Variants in AKT3 observed in about 807,000 individuals in gnomAD.
The protein encoded by AKT3 is RAC-gamma serine/threonine-protein kinase.
In AKT3, 15 loss-of-function variants were observed where a neutral mutation model predicts 65.3. The observed-to-expected ratio is 0.23, with a 90% CI of 0.15 to 0.35. The LOEUF (loss-of-function observed/expected upper bound fraction) is 0.35, where lower values mean the gene tolerates loss of function less well. Ranked by LOEUF, AKT3 falls within the 10% of genes least tolerant of loss-of-function variation. The pLI is 1.00. For missense variants in AKT3, 243 were observed against 576.5 expected (o/e 0.42, Z 5.92); for synonymous variants, 206 against 183.8 (o/e 1.12, Z -0.98).
intron 6 of AKT3, among the ~76,000 whole-genome samples, 200 bp downstream of exon 6, chr1:243,637,411 A>G (rs1680054217): frequency 6.6e-6 from 1 of 152,136 alleles, no homozygotes; most frequent in Non-Finnish European, 1.5e-5. Context: ...GCTTTAGTAT[A>G]TAATATACAA....
Position 243,708,332 on chromosome 1 carries a change from T to C in AKT3, c.47-12616A>G, listed in dbSNP as rs74151204. 4.0e-3 allele frequency among the ~76,000 whole-genome samples: 611 copies of C among 152,136 alleles called. 5 individuals carry two copies. Among genetic ancestry groups the C allele is most frequent in the African/African-American group, 0.014 (583 of 41,560 alleles). ...TTGAGTACTCCCCAAAGAAAGCTTATAGATAATATAAATAGAAAAGCTGCT... is the reference window on the plus strand; with the variant it reads ...TTGAGTACTCCCCAAAGAAAGCTTACAGATAATATAAATAGAAAAGCTGCT... On this transcript the variant is annotated intron_variant, in intron 2 of 13. Coordinates refer to ENST00000673466, the MANE Select transcript of AKT3 (RefSeq NM_005465.7).
chr1:243,624,219 C>T (rs1012244465), intron 6 of AKT3, among the ~76,000 whole-genome samples: 6 of 152,148 alleles, frequency 3.9e-5, no homozygotes, highest in African/African-American at 1.4e-4. Flanking sequence ...TGGCATGAGA[C>T]GGCAGCTGTA....
At chr1:243,582,759 G>C (rs920493739) in intron 8 of AKT3, among the ~76,000 whole-genome samples, 1 of 152,012 alleles carries the variant, frequency 6.6e-6, no homozygotes, top group African/African-American at 2.4e-5. Flanking sequence ...TCACATAACA[G>C]TATTAGCTTT....
At chr1:243,824,701 G>T (rs1206341906) in intron 2 of AKT3, among the ~76,000 whole-genome samples, 1 of 152,016 alleles carries the variant, frequency 6.6e-6, no homozygotes, top group East Asian at 1.9e-4. Flanking sequence ...AAATCACAAG[G>T]AGATACCACC....
chr1:243,678,706 T>C (rs1328695923), intron 3 of AKT3, among the ~76,000 whole-genome samples: 1 of 152,196 alleles, frequency 6.6e-6, no homozygotes, highest in Non-Finnish European at 1.5e-5. Flanking sequence ...GCCATTAATG[T>C]GGTAAAACTG....
chr1:243,648,962 T>C (rs1253308092), intron 4 of AKT3, among the ~76,000 whole-genome samples: 3 of 152,164 alleles, frequency 2.0e-5, no homozygotes, highest in African/African-American at 4.8e-5. Flanking sequence ...TTTATTTTTC[T>C]GGTTTCTTAA....
intron 6 of AKT3, chr1:243,625,059 T>C: frequency 3.1e-6 from 1 of 326,082 alleles, no homozygotes; most frequent in Non-Finnish European, 6.2e-6. Context: ...TCCTCCACCC[T>C]TGCCCTTTCC....
chr1:243,579,113 G>A (rs1027216092), intron 8 of AKT3, among the ~76,000 whole-genome samples: 1 of 152,164 alleles, frequency 6.6e-6, no homozygotes, highest in African/African-American at 2.4e-5. Flanking sequence ...AGAAATCAAC[G>A]ATGTTGAGGT....
intron 2 of AKT3, among the ~76,000 whole-genome samples, chr1:243,816,750 A>C (rs1436256481): frequency 6.6e-6 from 1 of 152,146 alleles, no homozygotes; most frequent in Non-Finnish European, 1.5e-5. Context: ...ATGGAAAATT[A>C]AGGGAAAAAA....
At position 243,499,970 on chromosome 1, in the gene AKT3, ACT is replaced by A. The variant is rs1669093544; in HGVS notation, c.*5277_*5278del. 7.7e-6 allele frequency: 5 copies of A among 646,432 alleles called. No individual in the cohort carries two copies. Among genetic ancestry groups the A allele is most frequent in the Non-Finnish European group, 8.4e-6 (3 of 357,182 alleles). 40.0% of individuals were successfully genotyped at this position (646,432 alleles called of 1,614,324 possible). A position where few individuals can be genotyped will look rare whatever the true frequency, so the allele number is the denominator to read the frequency against. ...GCAGTCGGGCTGGAGCTGGAGTCTG[ACT>A]CTAGCTGAGCAGAGCTCCTGGTGTA... On this transcript the variant is annotated 3_prime_UTR_variant, in exon 14 of 14. Transcript: ENST00000673466.
At chr1:243,535,593 T>C (rs1671870664) in intron 12 of AKT3, among the ~76,000 whole-genome samples, 1 of 152,230 alleles carries the variant, frequency 6.6e-6, no homozygotes. Context: ...GGTGTGTCTG[T>C]GTGCACATCC....
At chr1:243,645,694 A>C (rs1399886275) in intron 5 of AKT3, among the ~76,000 whole-genome samples, 199 bp downstream of exon 5, 1 of 152,234 alleles carries the variant, frequency 6.6e-6, no homozygotes, top group Non-Finnish European at 1.5e-5. Flanking sequence ...TTCAGTGCTA[A>C]AGTGCTGGAT....
At chr1:243,620,819 C>T (rs1014059443) in intron 6 of AKT3, among the ~76,000 whole-genome samples, 1 of 152,058 alleles carries the variant, frequency 6.6e-6, no homozygotes, top group African/African-American at 2.4e-5. Flanking sequence ...CCAAATATTC[C>T]TTAGATGAAG....
chr1:243,591,918 T>C (rs923412082), intron 8 of AKT3, among the ~76,000 whole-genome samples: 3 of 152,146 alleles, frequency 2.0e-5, no homozygotes, highest in African/African-American at 7.2e-5. Flanking sequence ...ATGTCTAACA[T>C]GTAAATAAGT....
At chr1:243,573,135 C>A in intron 8 of AKT3, 87 bp from the exon 9 acceptor site, 1 of 1,426,298 alleles carries the variant, frequency 7.0e-7, no homozygotes, top group Non-Finnish European at 9.7e-7. Flanking sequence ...CTCTCATCAC[C>A]ATATTGTGAT....
intron 12 of AKT3, among the ~76,000 whole-genome samples, chr1:243,537,832 C>T (rs1473105004): frequency 6.6e-6 from 1 of 152,196 alleles, no homozygotes; most frequent in Admixed American, 6.5e-5. Flanking sequence ...AGCATATCTT[C>T]ATTCACTTCT....
chr1:243,654,173 T>C (rs1385895913), intron 4 of AKT3, among the ~76,000 whole-genome samples: 9 of 152,146 alleles, frequency 5.9e-5, no homozygotes, highest in Non-Finnish European at 1.0e-4. Context: ...TTATAATATT[T>C]AACTTTGACT....
Position 243,707,206 on chromosome 1 carries a change from G to C in AKT3, c.47-11490C>G, listed in dbSNP as rs1425446378. Reference sequence around the variant, plus strand: ...AGTACCTAATATGTACAATATGTTAGACTACACAAAAGTAACTAGAGTGTT... The same window carrying C: ...AGTACCTAATATGTACAATATGTTACACTACACAAAAGTAACTAGAGTGTT... On this transcript the variant is annotated intron_variant, in intron 2 of 13. Transcript: ENST00000673466. Among the ~76,000 whole-genome samples the C allele has an allele frequency of 5.9e-5, 9 of 152,246 alleles. No homozygotes were observed. The East Asian group carries it at 1.7e-3, about 29-fold the overall frequency.
chr1:243,618,839 G>A (rs528451288), intron 6 of AKT3, among the ~76,000 whole-genome samples: 19 of 151,900 alleles, frequency 1.3e-4, no homozygotes, highest in Admixed American at 9.2e-4. Context: ...GATGTTTTGT[G>A]GTAATTAGGT....
Sources: allele counts gnomAD v4.1 joint callset (sites outside exome capture counted in the v4.1 genomes callset), GRCh38; gene constraint gnomAD v4.1.1; transcripts MANE v1.5; gene names NCBI Gene and HGNC (gene_info 2026-07-23, HGNC 2026-07-21).